The following EXOC4 variants were observed in gnomAD, a reference collection of about 807,000 sequenced individuals.
EXOC4 encodes the protein exocyst complex component 4, also known as SEC8-like 1.
EXOC4 carries 71 observed loss-of-function variants against 107.2 expected under a neutral mutation model. The ratio of observed to expected loss-of-function variants is 0.66; its 90% confidence interval spans 0.55 to 0.81. The LOEUF (loss-of-function observed/expected upper bound fraction) is 0.81, where lower values mean the gene tolerates loss of function less well. Ranked by LOEUF, EXOC4 falls within the 30% of genes least tolerant of loss-of-function variation. The probability of loss-of-function intolerance (pLI) is 0.00; values close to 1 mark genes in which losing one functional copy is unlikely to be tolerated. For missense variants in EXOC4, 1,108 were observed against 1,189.6 expected, an observed-to-expected ratio of 0.93 and a Z score of 1.01; for synonymous variants, 456 against 441.2, an observed-to-expected ratio of 1.03 and a Z score of -0.42.
chr7:133,820,860 G>T (rs1797504814), intron 11 of EXOC4, among the ~76,000 whole-genome samples: 1 of 152,170 alleles, frequency 6.6e-6, no homozygotes, highest in Non-Finnish European at 1.5e-5. Flanking sequence ...AGGACACTTT[G>T]TCCTTGTCCC....
intron 7 of EXOC4, among the ~76,000 whole-genome samples, chr7:133,427,004 C>T (rs952052596): frequency 6.6e-6 from 1 of 152,178 alleles, no homozygotes; most frequent in Admixed American, 6.5e-5. Context: ...GTGCTCCATA[C>T]ACTCTAAAGG....
intron 7 of EXOC4, among the ~76,000 whole-genome samples, chr7:133,460,682 C>T (rs930315792): frequency 1.3e-5 from 2 of 152,054 alleles, no homozygotes; most frequent in East Asian, 1.9e-4. Flanking sequence ...GCTCAAGGGA[C>T]ACACACACCC....
intron 10 of EXOC4, among the ~76,000 whole-genome samples, chr7:133,676,534 T>C (rs757265943): frequency 6.6e-6 from 1 of 152,202 alleles, no homozygotes; most frequent in Non-Finnish European, 1.5e-5. Context: ...GACTCTTGTC[T>C]CTTTTCATGT....
chr7:133,560,732 T>C (rs745490878), intron 9 of EXOC4, among the ~76,000 whole-genome samples: 4 of 152,308 alleles, frequency 2.6e-5, no homozygotes, highest in Admixed American at 1.3e-4. Flanking sequence ...TGAATAATAA[T>C]AATTTAGAAA....
At chr7:133,823,852 TATATATATA>T (rs1563014598) in intron 11 of EXOC4, among the ~76,000 whole-genome samples, 1 of 14,990 alleles carries the variant, frequency 6.7e-5, no homozygotes, top group African/African-American at 1.2e-3. Flanking sequence ...ATTATATATA[TATATATATA>T]TATATATATA....
Position 133,253,153 on chromosome 7 carries a change from A to G in EXOC4, c.52A>G (p.Lys18Glu). The G allele has an allele frequency of 1.2e-6, 2 of 1,614,202 alleles. No individual in the cohort carries two copies. Among genetic ancestry groups the G allele is most frequent in the Non-Finnish European group, 1.7e-6 (2 of 1,180,010 alleles). The stretch of plus-strand genomic sequence containing the variant: ...ATACAGAAGCACAGTCAGCAAAAGC[A>G]AAGACCCCTCGGGGCTGCTCATCTC... ...GKYRSTVSKS[K>E]DPSGLLISVI... Residue 18 changes from lysine (K) to glutamate (E), a missense_variant, in exon 1 of 18, where the codon AAA (lysine) becomes GAA (glutamate). Transcript: ENST00000253861.
chr7:133,824,369 C>T (rs1429268478), intron 11 of EXOC4, among the ~76,000 whole-genome samples: 3 of 152,068 alleles, frequency 2.0e-5, no homozygotes, highest in African/African-American at 7.2e-5. Context: ...TTCTTCTCAT[C>T]ACCAGCTTGC....
intron 14 of EXOC4, among the ~76,000 whole-genome samples, chr7:133,996,931 T>G (rs766119485): frequency 1.7e-4 from 26 of 152,222 alleles, no homozygotes; most frequent in Non-Finnish European, 2.4e-4. Context: ...TCTTCAATAC[T>G]TGTAGTACTG....
intron 6 of EXOC4, among the ~76,000 whole-genome samples, chr7:133,369,800 CTTTTTTTT>C (rs35258276): frequency 1.2e-5 from 1 of 86,640 alleles, no homozygotes; most frequent in Non-Finnish European, 2.1e-5. Context: ...ACTAGATTTC[CTTTTTTTT>C]TTTTTTTTTT....
intron 7 of EXOC4, among the ~76,000 whole-genome samples, chr7:133,382,316 C>G (rs2150702813): frequency 6.6e-6 from 1 of 152,160 alleles, no homozygotes; most frequent in East Asian, 1.9e-4. Context: ...CATCTGCCAG[C>G]CTAGTTTCCA....
the EXOC4 span, among the ~76,000 whole-genome samples, chr7:134,084,492 A>T: frequency 6.6e-6 from 1 of 152,188 alleles, no homozygotes; most frequent in African/African-American, 2.4e-5. Context: ...AAAGCTGATC[A>T]GAGAGAAGGT....
chr7:133,787,503 A>G (rs1213426606), intron 10 of EXOC4, among the ~76,000 whole-genome samples: 5 of 152,038 alleles, frequency 3.3e-5, no homozygotes, highest in Non-Finnish European at 5.9e-5. Context: ...TTAAAGAGAC[A>G]GGCTTACTGT....
At chr7:133,637,069 A>G (rs551593518) in intron 10 of EXOC4, among the ~76,000 whole-genome samples, 21 of 152,330 alleles carry the variant, frequency 1.4e-4, no homozygotes, top group Admixed American at 4.6e-4. Flanking sequence ...TGAAATGCCT[A>G]TGATTAAGAG....
chr7:134,075,595 C>T, the EXOC4 span, among the ~76,000 whole-genome samples: 2 of 152,126 alleles, frequency 1.3e-5, no homozygotes, highest in Non-Finnish European at 1.5e-5. Flanking sequence ...GGAAACTGCC[C>T]CCATGATTCA....
At chr7:133,702,273 C>T (rs529169812) in intron 10 of EXOC4, among the ~76,000 whole-genome samples, 1 of 151,734 alleles carries the variant, frequency 6.6e-6, no homozygotes, top group East Asian at 1.9e-4. Context: ...AGAACACCCG[C>T]ATCAGCTGCT....
intron 10 of EXOC4, among the ~76,000 whole-genome samples, chr7:133,770,201 T>C (rs1172009861): frequency 6.6e-6 from 1 of 151,928 alleles, no homozygotes; most frequent in Non-Finnish European, 1.5e-5. Context: ...TAGCTTGTAT[T>C]ACCCACTTTA....
chr7:133,801,526 G>A (rs1388057035), intron 10 of EXOC4, among the ~76,000 whole-genome samples: 1 of 152,144 alleles, frequency 6.6e-6, no homozygotes, highest in African/African-American at 2.4e-5. Context: ...ATCAACACAG[G>A]GATGGATCCT....
chr7:133,419,857 C>T (rs1037980101), intron 7 of EXOC4, among the ~76,000 whole-genome samples: 12 of 152,124 alleles, frequency 7.9e-5, no homozygotes, highest in Admixed American at 2.6e-4. Flanking sequence ...GAGTCTGGGA[C>T]GCTGAGATGG....
At chr7:133,542,095 G>T (rs1800391666) in intron 9 of EXOC4, among the ~76,000 whole-genome samples, 1 of 151,702 alleles carries the variant, frequency 6.6e-6, no homozygotes, top group Admixed American at 6.6e-5. Context: ...AAGACCCTTG[G>T]CCTTCTGAAG....
Sources: allele counts gnomAD v4.1 joint callset (sites outside exome capture counted in the v4.1 genomes callset), GRCh38; gene constraint gnomAD v4.1.1; transcripts MANE v1.5; gene names NCBI Gene and HGNC (gene_info 2026-07-23, HGNC 2026-07-21).